The following TBCK variants were observed in gnomAD, a reference collection of about 807,000 sequenced individuals.
TBCK encodes the protein TBC domain-containing protein kinase-like protein.
TBCK carries 99 observed loss-of-function variants against 113.4 expected under a neutral mutation model. The ratio of observed to expected loss-of-function variants is 0.87; its 90% CI spans 0.74 to 1.03. The LOEUF (loss-of-function observed/expected upper bound fraction) is 1.03, where lower values mean the gene tolerates loss of function less well. Among genes scored for constraint, TBCK ranks in the 50% least tolerant of loss-of-function variants. The pLI is 0.00. For synonymous variants in TBCK, 369 were observed against 370.8 expected (o/e 1.00, Z 0.05); for missense variants, 1,045 against 1,061.3 (o/e 0.98, Z 0.21).
chr4:106,314,964 GAAAAT>G (rs1182957164), intron 1 of TBCK, among the ~76,000 whole-genome samples: 1 of 151,920 alleles, frequency 6.6e-6, no homozygotes, highest in Admixed American at 6.6e-5. Context: ...TCACATAGCT[GAAAAT>G]AAAATAACCA....
intron 1 of TBCK, among the ~76,000 whole-genome samples, chr4:106,315,166 A>G (rs1768660862): frequency 6.6e-6 from 1 of 152,070 alleles, no homozygotes; most frequent in African/African-American, 2.4e-5. Context: ...GAGAGATTAG[A>G]TGAGGGAAAC....
At chr4:106,285,709 C>A (rs1016005340) in intron 3 of TBCK, among the ~76,000 whole-genome samples, 3 of 152,128 alleles carry the variant, frequency 2.0e-5, no homozygotes, top group African/African-American at 7.2e-5. Flanking sequence ...GGTTTTGCAA[C>A]AGTTATAGAC....
At chr4:106,251,749 CTCA>C (rs1761447293) in intron 6 of TBCK, 114 bp downstream of exon 6, 8 of 968,296 alleles carry the variant, frequency 8.3e-6, no homozygotes, top group African/African-American at 1.7e-5. Context: ...GCCTTTTCTC[CTCA>C]TATGTAATTA....
At chr4:106,134,252 A>G (rs1477770823) in intron 23 of TBCK, among the ~76,000 whole-genome samples, 1 of 152,144 alleles carries the variant, frequency 6.6e-6, no homozygotes, top group Non-Finnish European at 1.5e-5. Context: ...ATGACCACAG[A>G]GAGCCAGGTA....
intron 22 of TBCK, among the ~76,000 whole-genome samples, chr4:106,180,431 A>T (rs531600661): frequency 6.6e-6 from 1 of 151,996 alleles, no homozygotes; most frequent in Admixed American, 6.6e-5. Flanking sequence ...ACATGTGCAG[A>T]ATGTGCAGTT....
chr4:106,115,304 T>C (rs1743357726), intron 24 of TBCK, among the ~76,000 whole-genome samples: 1 of 152,130 alleles, frequency 6.6e-6, no homozygotes, highest in South Asian at 2.1e-4. Flanking sequence ...AACTGGTAAG[T>C]ATATACATAT....
intron 23 of TBCK, among the ~76,000 whole-genome samples, chr4:106,143,654 C>G (rs1747399336): frequency 6.6e-6 from 1 of 152,114 alleles, no homozygotes; most frequent in Non-Finnish European, 1.5e-5. Flanking sequence ...GTGGCTCACC[C>G]CTGTAATCCC....
intron 20 of TBCK, among the ~76,000 whole-genome samples, chr4:106,196,454 A>G (rs1374375994): frequency 6.6e-6 from 1 of 151,984 alleles, no homozygotes; most frequent in Non-Finnish European, 1.5e-5. Flanking sequence ...AGCACCTAGC[A>G]ATTATGAATT....
chr4:106,176,536 T>C (rs1243156953), intron 22 of TBCK, among the ~76,000 whole-genome samples: 3 of 152,080 alleles, frequency 2.0e-5, no homozygotes, highest in Non-Finnish European at 4.4e-5. Flanking sequence ...CGCTGAATGG[T>C]AATTCATTGT....
At chr4:106,117,280 T>G (rs917264295) in intron 23 of TBCK, among the ~76,000 whole-genome samples, 1 of 152,326 alleles carries the variant, frequency 6.6e-6, no homozygotes, top group African/African-American at 2.4e-5. Context: ...TAATTTTAAC[T>G]CAGGTAATAT....
intron 12 of TBCK, among the ~76,000 whole-genome samples, chr4:106,241,913 T>C (rs1257640012): frequency 1.3e-5 from 2 of 151,734 alleles, no homozygotes; most frequent in Admixed American, 1.3e-4. Context: ...TTCTATTCAA[T>C]AAAAGAATCA....
chr4:106,300,184 A>G (rs1051745164), intron 2 of TBCK, among the ~76,000 whole-genome samples: 8 of 152,214 alleles, frequency 5.3e-5, no homozygotes, highest in Admixed American at 1.3e-4. Context: ...GCCTTCCACC[A>G]TGAATGTGAG....
chr4:106,125,498 C>G (rs926348211), intron 23 of TBCK, among the ~76,000 whole-genome samples: 4 of 152,048 alleles, frequency 2.6e-5, no homozygotes, highest in Admixed American at 1.3e-4. Flanking sequence ...GAAACTCCAT[C>G]TCAAAAATAA....
intron 7 of TBCK, among the ~76,000 whole-genome samples, 197 bp downstream of exon 7, chr4:106,250,217 TAAAG>T (rs1043834934): frequency 2.3e-4 from 35 of 152,006 alleles, no homozygotes; most frequent in African/African-American, 8.2e-4. Flanking sequence ...CCTCAGAGAA[TAAAG>T]AAATTTCTGC....
chr4:106,187,689 C>T (rs1377444961), intron 22 of TBCK, among the ~76,000 whole-genome samples: 1 of 152,214 alleles, frequency 6.6e-6, no homozygotes, highest in African/African-American at 2.4e-5. Context: ...GCTGGGATTA[C>T]AGGCATGAGC....
intron 19 of TBCK, chr4:106,213,725 G>C (rs547963397): frequency 1.3e-5 from 2 of 155,988 alleles, no homozygotes; most frequent in South Asian, 2.0e-4. Context: ...CCTACCCCAC[G>C]GAGTCTCCCT....
At chr4:106,278,080 A>ATG (rs35317905) in intron 3 of TBCK, among the ~76,000 whole-genome samples, 28,282 of 152,010 alleles carry the variant, frequency 0.19, 2,640 homozygotes, top group South Asian at 0.25. Flanking sequence ...CAATTTTACT[A>ATG]TTTGCATTTT....
intron 22 of TBCK, among the ~76,000 whole-genome samples, chr4:106,183,981 A>G (rs945262746): frequency 6.6e-6 from 1 of 152,036 alleles, no homozygotes; most frequent in African/African-American, 2.4e-5. Flanking sequence ...GGAAAAAAAG[A>G]GCCATTCTAA....
intron 8 of TBCK, 116 bp downstream of exon 8, chr4:106,248,805 G>T: frequency 1.3e-6 from 1 of 763,750 alleles, no homozygotes; most frequent in Non-Finnish European, 2.1e-6. Flanking sequence ...CCTTTAACTT[G>T]GACTTCCTAG....
Sources: allele counts gnomAD v4.1 joint callset (sites outside exome capture counted in the v4.1 genomes callset), GRCh38; gene constraint gnomAD v4.1.1; transcripts MANE v1.5; gene names NCBI Gene and HGNC (gene_info 2026-07-23, HGNC 2026-07-21).